SDC4: variants seen among roughly 807,000 people sequenced by gnomAD.
SDC4 encodes syndecan 4, also known as syndecan-4.
Under a neutral mutation model 20.5 loss-of-function variants are expected in SDC4, and 17 were observed. That is an observed-to-expected ratio of 0.83 (90% confidence interval 0.57 to 1.25). The LOEUF is 1.25. Among genes scored for constraint, SDC4 ranks in the 50% most tolerant of loss-of-function variants. SDC4 has a pLI of 0.00. For missense variants in SDC4, 241 were observed against 252.3 expected (o/e 0.96, Z 0.30); for synonymous variants, 107 against 105.3 (o/e 1.02, Z -0.10).
Position 45,348,338 on chromosome 20 carries a change from C to T in SDC4, c.47G>A (p.Gly16Glu), listed in dbSNP as rs1321574175. 2 of 1,590,642 alleles carry T rather than the reference C, an allele frequency of 1.3e-6. No homozygotes were observed. Among genetic ancestry groups the T allele is most frequent in the South Asian group, 1.1e-5 (1 of 87,544 alleles). ...LFALLLFFVG[G>E]VAESIRETEV... ...CCAAGCACCCACCGACTCGGCGACT[C>T]CGCCTACGAAGAACAGCAGCAGCGC... is the stretch of plus-strand genomic sequence containing the variant. The change falls in exon 1 of 5, where the codon GGA becomes GAA. Residue 16 changes from glycine (G) to glutamate (E), a missense_variant. Physicochemically the swap from Gly to Glu is moderately conservative, Grantham distance 98. Coordinates refer to ENST00000372733, the MANE Select transcript of SDC4 (RefSeq NM_002999.4).
rs35186241 is a variant in SDC4 at position 45,326,383 on chromosome 20, T to TAAAAAAAAAAAAA, written c.*868_*880dup. ...AGGCCCTATCTAAAGCTATAAATAG[T>TAAAAAAAAAAAAA]AAAAAAAAAAAAAAAAAAAAAAAAT... On this transcript the variant is annotated 3_prime_UTR_variant, in exon 5 of 5. Transcript: ENST00000372733. The TAAAAAAAAAAAAA allele has an allele frequency of 5.1e-5, 5 of 97,686 alleles. No individual in the cohort carries two copies. Among genetic ancestry groups the TAAAAAAAAAAAAA allele is most frequent in the African/African-American group, 7.8e-5 (2 of 25,648 alleles). 6.1% of individuals were successfully genotyped at this position (97,686 alleles called of 1,614,324 possible).
chr20:45,344,652 G>C (rs1285166237), intron 1 of SDC4, among the ~76,000 whole-genome samples: 4 of 152,290 alleles, frequency 2.6e-5, no homozygotes, highest in African/African-American at 9.6e-5. Context: ...GTTTCTAGGA[G>C]CTGGGGATGG....
At chr20:45,329,250 A>G (rs1168679093) in intron 4 of SDC4, among the ~76,000 whole-genome samples, 1 of 152,206 alleles carries the variant, frequency 6.6e-6, no homozygotes, top group Non-Finnish European at 1.5e-5. Context: ...GATTAAAGAG[A>G]TAACCTGGCT....
chr20:45,346,142 C>T (rs940563657), intron 1 of SDC4, among the ~76,000 whole-genome samples: 4 of 152,174 alleles, frequency 2.6e-5, no homozygotes, highest in African/African-American at 9.7e-5. Context: ...TAGCAAAGTC[C>T]TTCTCCCTGG....
intron 1 of SDC4, among the ~76,000 whole-genome samples, chr20:45,344,343 T>G (rs1185706323): frequency 6.6e-6 from 1 of 152,054 alleles, no homozygotes; most frequent in Admixed American, 6.5e-5. Context: ...AAGGTAAAAC[T>G]CTGAGCTCAT....
rs1183778068 is a variant in SDC4, at chr20:45,335,831, C to G, written c.150G>C (p.Gly50=). ...CAAAGTCATCAGATTCCTGCCCGGG[C>G]CCCACTACATCCTCATCGTCTGGTA... ...GALPDDEDVV[G]PGQESDDFEL... is the part of the protein sequence containing the mutation. The change falls in exon 2 of 5, where the codon GGG becomes GGC. Residue 50 remains glycine, a synonymous_variant. Transcript: ENST00000372733. 1.2e-6 allele frequency: 2 copies of G among 1,614,060 alleles called. No homozygotes were observed. The highest frequency in any genetic ancestry group is 4.5e-5 in the East Asian group (2 of 44,862).
At chr20:45,338,367 G>A (rs1396124609) in intron 1 of SDC4, among the ~76,000 whole-genome samples, 1 of 147,620 alleles carries the variant, frequency 6.8e-6, no homozygotes, top group Non-Finnish European at 1.5e-5. Context: ...TGTTAAGTAG[G>A]GGGGTCAATC....
At chr20:45,345,247 A>G (rs1988014949) in intron 1 of SDC4, 1 of 152,200 alleles carries the variant, frequency 6.6e-6, no homozygotes, top group Non-Finnish European at 1.5e-5. Context: ...GGAGGGATTC[A>G]GCATTTGGTG....
At chr20:45,335,226 G>A (rs897589402) in intron 2 of SDC4, among the ~76,000 whole-genome samples, 1 of 151,244 alleles carries the variant, frequency 6.6e-6, no homozygotes, top group African/African-American at 2.4e-5. Flanking sequence ...CACCCAGGCT[G>A]GAGTGCAGTA....
chr20:45,330,717 C>G (rs920863693), intron 3 of SDC4, among the ~76,000 whole-genome samples, 153 bp from the exon 4 acceptor site: 3 of 152,200 alleles, frequency 2.0e-5, no homozygotes, highest in Non-Finnish European at 2.9e-5. Flanking sequence ...ACTGTCTCCA[C>G]AATTATGCTG....
chr20:45,339,659 G>A (rs1987926203), intron 1 of SDC4, among the ~76,000 whole-genome samples: 1 of 152,234 alleles, frequency 6.6e-6, no homozygotes, highest in Non-Finnish European at 1.5e-5. Flanking sequence ...AGGATCACTT[G>A]AGCCCAGGAG....
In SDC4 at chr20:45,338,604, C is replaced by T. The variant is rs138329215; in HGVS notation, c.61-2684G>A. Among the ~76,000 whole-genome samples, 244 of 152,276 alleles carry T rather than the reference C, an allele frequency of 1.6e-3. 2 individuals are homozygous for T. Among genetic ancestry groups the T allele is most frequent in the African/African-American group, 5.0e-3 (208 of 41,540 alleles). On this transcript the variant is annotated intron_variant, in intron 1 of 4. Coordinates refer to ENST00000372733, the MANE Select transcript of SDC4 (RefSeq NM_002999.4). ...AAACAACCCATGGGATTAGCATGCC[C>T]ACTGGCTGTTAGGAATTACCTCCGT... is the stretch of plus-strand genomic sequence containing the variant.
chr20:45,344,631 A>G (rs1335776999), intron 1 of SDC4, among the ~76,000 whole-genome samples: 1 of 152,188 alleles, frequency 6.6e-6, no homozygotes, highest in African/African-American at 2.4e-5. Context: ...AAGTCCTTGG[A>G]AAAGCCCTCT....
At chr20:45,332,887 T>A (rs1195152327) in intron 3 of SDC4, 136 bp downstream of exon 3, 3 of 808,168 alleles carry the variant, frequency 3.7e-6, no homozygotes, top group Non-Finnish European at 5.9e-6. Flanking sequence ...CAGGGCCAGA[T>A]TTTTAAAAAG....
intron 3 of SDC4, among the ~76,000 whole-genome samples, chr20:45,331,129 T>A (rs2145708531): frequency 6.6e-6 from 1 of 152,300 alleles, no homozygotes; most frequent in Admixed American, 6.5e-5. Flanking sequence ...GGTAACATCT[T>A]TCTGGAGAAC....
intron 4 of SDC4, 87 bp downstream of exon 4, chr20:45,330,279 G>T: frequency 1.6e-6 from 2 of 1,229,652 alleles, no homozygotes; most frequent in Non-Finnish European, 2.4e-6. Flanking sequence ...GAGCCTCATG[G>T]CTGGAGGCAT....
At position 45,343,045 on chromosome 20, in the gene SDC4, G is replaced by T. The variant is rs377562490; in HGVS notation, c.60+5280C>A. The stretch of plus-strand genomic sequence containing the variant: ...AACTGTGTGTGTCCCTGGGTGAGCA[G>T]CAGAGCTAGGACGGGGGCTGGAGTT... On this transcript the variant is annotated intron_variant, in intron 1 of 4. Coordinates refer to ENST00000372733, the MANE Select transcript of SDC4 (RefSeq NM_002999.4). Among the ~76,000 whole-genome samples, 12 of 152,288 alleles carry T rather than the reference G, an allele frequency of 7.9e-5. No individual in the cohort carries two copies. The East Asian group carries it at 1.7e-3, about 22-fold the overall frequency.
At position 45,330,359 on chromosome 20, in the gene SDC4, G is replaced by T; in HGVS notation, c.445+7C>A. ...CAAGGCATCTTATAAGCAGCATGGGGACTTACCTGCCAGGACCTCCGTTCT... is the reference window on the plus strand; with the variant it reads ...CAAGGCATCTTATAAGCAGCATGGGTACTTACCTGCCAGGACCTCCGTTCT... On this transcript the variant is annotated splice_region_variant and intron_variant, in intron 4 of 4. Transcript: ENST00000372733. 1.2e-6 allele frequency: 2 copies of T among 1,613,190 alleles called. No individual in the cohort carries two copies. Among genetic ancestry groups the T allele is most frequent in the Non-Finnish European group, 1.7e-6 (2 of 1,179,728 alleles).
intron 3 of SDC4, among the ~76,000 whole-genome samples, chr20:45,331,006 T>C (rs1987769106): frequency 6.6e-6 from 1 of 152,240 alleles, no homozygotes; most frequent in Admixed American, 6.5e-5. Flanking sequence ...CTTTTATTCC[T>C]TTACTGTCTT....
Sources: gnomAD v4.1 joint callset for allele counts (sites outside exome capture counted in the v4.1 genomes callset) on GRCh38, gnomAD v4.1.1 for gene constraint, MANE v1.5 for transcripts, NCBI Gene and HGNC (gene_info 2026-07-23, HGNC 2026-07-21) for gene names.